Variants in DAG1 observed in about 807,000 individuals in gnomAD.
The protein encoded by DAG1 is dystroglycan 1.
A neutral mutation model predicts 46.1 loss-of-function variants in DAG1; 8 were observed. The ratio of observed to expected loss-of-function variants is 0.17; its 90% confidence interval spans 0.10 to 0.31. The LOEUF is 0.31. Ranked by LOEUF, DAG1 falls within the 10% of genes least tolerant of loss-of-function variation. The probability of loss-of-function intolerance (pLI) is 1.00; values close to 1 mark genes in which losing one functional copy is unlikely to be tolerated. For missense variants in DAG1, 1,003 were observed against 1,189.9 expected (o/e 0.84, Z 2.31); for synonymous variants, 495 against 481.8 (o/e 1.03, Z -0.36).
rs78718082 is a variant in DAG1, at chr3:49,530,934, C to T, written c.423C>T (p.Asn141=). The change falls in exon 3 of 3, where the codon AAC becomes AAT. Residue 141 remains asparagine (N), a synonymous_variant. Coordinates refer to ENST00000308775, the MANE Select transcript of DAG1 (RefSeq NM_004393.6). ...TGAGCGCTACACGGCTGGGGGCCAA[C>T]GGGAGCCACATCCCCCAGACCTCCA... ...ISVSATRLGA[N]GSHIPQTSSV... is the part of the protein sequence containing the mutation. 1.2e-5 allele frequency: 19 copies of T among 1,614,096 alleles called. No homozygotes were observed. The highest frequency in any genetic ancestry group is 6.7e-5 in the East Asian group (3 of 44,888).
chr3:49,493,561 G>A (rs2050240971), intron 1 of DAG1, among the ~76,000 whole-genome samples: 1 of 152,144 alleles, frequency 6.6e-6, no homozygotes, highest in Admixed American at 6.6e-5. Flanking sequence ...CAGCCTCTGA[G>A]GATCCCTTGA....
intron 2 of DAG1, among the ~76,000 whole-genome samples, chr3:49,513,780 T>C (rs1171220964): frequency 6.6e-6 from 1 of 152,222 alleles, no homozygotes; most frequent in Non-Finnish European, 1.5e-5. Context: ...TTGTCATCTT[T>C]GTAATATCCC....
At chr3:49,480,711 A>T (rs2049853749) in intron 1 of DAG1, among the ~76,000 whole-genome samples, 1 of 132,524 alleles carries the variant, frequency 7.5e-6, no homozygotes, top group African/African-American at 2.6e-5. Flanking sequence ...GTTATTTCTT[A>T]CTTTGGTTGT....
intron 1 of DAG1, among the ~76,000 whole-genome samples, chr3:49,501,948 A>G (rs1169622253): frequency 1.3e-5 from 2 of 152,212 alleles, no homozygotes; most frequent in East Asian, 1.9e-4. Context: ...AGGCCAAGGC[A>G]GGAGGATTGC....
rs10686005 is a variant in DAG1 at position 49,487,692 on chromosome 3, C to CT, written c.-117+17280dup. Among the ~76,000 whole-genome samples the CT allele has an allele frequency of 1.1e-3, 113 of 105,700 alleles. 1 individual carries two copies. Among genetic ancestry groups the CT allele is most frequent in the Middle Eastern group, 6.3e-3 (1 of 158 alleles). 69.3% of individuals were successfully genotyped at this position (105,700 alleles called of 152,430 possible). A position where few individuals can be genotyped will look rare whatever the true frequency, so the allele number is the denominator to read the frequency against. On this transcript the variant is annotated intron_variant, in intron 1 of 2. Transcript: ENST00000308775. The stretch of plus-strand genomic sequence containing the variant: ...TTTGGAGTAATTAGCCCCATACATT[C>CT]TTTTTTTTTTTTTTTTTTTTTGTTT...
At chr3:49,495,156 G>A (rs945044178) in intron 1 of DAG1, among the ~76,000 whole-genome samples, 1 of 152,166 alleles carries the variant, frequency 6.6e-6, no homozygotes, top group African/African-American at 2.4e-5. Context: ...GCCCCCACAG[G>A]GTAGCCCCAC....
At chr3:49,515,201 C>A (rs890759439) in intron 2 of DAG1, among the ~76,000 whole-genome samples, 4 of 151,786 alleles carry the variant, frequency 2.6e-5, no homozygotes, top group African/African-American at 9.7e-5. Context: ...AACTCCTGAC[C>A]TCAGGTGATC....
chr3:49,528,275 A>AGGTTTTTTTTTTT (rs2051239058), intron 2 of DAG1, among the ~76,000 whole-genome samples: 1 of 66,660 alleles, frequency 1.5e-5, no homozygotes, highest in African/African-American at 6.9e-5. Context: ...AAATAGTGTG[A>AGGTTTTTTTTTTT]TTTTTTTTTT....
At chr3:49,512,347 C>T (rs528212619) in intron 2 of DAG1, among the ~76,000 whole-genome samples, 23 of 151,794 alleles carry the variant, frequency 1.5e-4, no homozygotes, top group African/African-American at 2.7e-4. Flanking sequence ...GGATTACAGG[C>T]GCACGTCACC....
chr3:49,491,827 C>T (rs1318971900), intron 1 of DAG1, among the ~76,000 whole-genome samples: 1 of 152,088 alleles, frequency 6.6e-6, no homozygotes, highest in African/African-American at 2.4e-5. Context: ...CCACATTGGC[C>T]AGTCTGGTCT....
Position 49,533,144 on chromosome 3 carries a change from C to T in DAG1, c.2633C>T (p.Ser878Phe), listed in dbSNP as rs1234500607. 1 of 1,614,166 alleles carries T rather than the reference C, an allele frequency of 6.2e-7. No individual in the cohort carries two copies. The highest frequency in any genetic ancestry group is 1.1e-5 in the South Asian group (1 of 91,090). Residue 878 changes from serine (S) to phenylalanine (F), a missense_variant, in exon 3 of 3, where the codon TCC (serine) becomes TTC (phenylalanine). By Grantham distance (155) the Ser-to-Phe change is radical. Transcript: ENST00000308775. The stretch of plus-strand genomic sequence containing the variant: ...ACAGCACCCATGGAGGGCAAGGGCT[C>T]CCGTCCCAAGAACATGACCCCATAC... ...PFTAPMEGKGSRPKNMTPYRS... is the reference protein window; with the variant it reads ...PFTAPMEGKGFRPKNMTPYRS...
intron 2 of DAG1, among the ~76,000 whole-genome samples, chr3:49,513,936 G>A (rs1185319114): frequency 6.6e-6 from 1 of 152,024 alleles, no homozygotes; most frequent in Non-Finnish European, 1.5e-5. Flanking sequence ...GTTTTACGTG[G>A]ATTAATCTTG....
intron 2 of DAG1, among the ~76,000 whole-genome samples, chr3:49,515,826 C>A (rs1286346064): frequency 6.6e-6 from 1 of 152,156 alleles, no homozygotes; most frequent in East Asian, 1.9e-4. Flanking sequence ...TAGGCTCCCC[C>A]TGCCTTTGTT....
At chr3:49,516,169 C>A (rs2050890993) in intron 2 of DAG1, among the ~76,000 whole-genome samples, 1 of 152,210 alleles carries the variant, frequency 6.6e-6, no homozygotes. Flanking sequence ...AGCAGCTTTC[C>A]CACAAAACTC....
At chr3:49,481,075 T>A (rs887134409) in intron 1 of DAG1, among the ~76,000 whole-genome samples, 1 of 148,958 alleles carries the variant, frequency 6.7e-6, no homozygotes, top group African/African-American at 2.5e-5. Flanking sequence ...TAAAGTTTTT[T>A]AAAAGTTTTT....
At chr3:49,479,802 TAA>T (rs2049816891) in intron 1 of DAG1, among the ~76,000 whole-genome samples, 1 of 147,416 alleles carries the variant, frequency 6.8e-6, no homozygotes, top group Non-Finnish European at 1.5e-5. Context: ...CACACCCGGC[TAA>T]TTTTTTTTTG....
intron 1 of DAG1, 72 bp from the exon 2 acceptor site, chr3:49,510,347 C>CAG (rs1200353021): frequency 1.9e-5 from 12 of 636,670 alleles, no homozygotes; most frequent in African/African-American, 1.1e-4. Flanking sequence ...TTGACAGTAA[C>CAG]TCCTGGAGGA....
intron 1 of DAG1, among the ~76,000 whole-genome samples, chr3:49,480,757 GTTTT>G (rs770596207): frequency 8.8e-6 from 1 of 113,092 alleles, no homozygotes; most frequent in Admixed American, 9.2e-5. Flanking sequence ...TCTGCATAAA[GTTTT>G]TTTTTTTTTT....
At chr3:49,509,115 T>C (rs1202409589) in intron 1 of DAG1, among the ~76,000 whole-genome samples, 1 of 152,170 alleles carries the variant, frequency 6.6e-6, no homozygotes, top group African/African-American at 2.4e-5. Context: ...ACTCATGGGT[T>C]TTTTTAAAAA....
Sources: allele counts gnomAD v4.1 joint callset (sites outside exome capture counted in the v4.1 genomes callset), GRCh38; gene constraint gnomAD v4.1.1; transcripts MANE v1.5; gene names NCBI Gene and HGNC (gene_info 2026-07-23, HGNC 2026-07-21).